The following ARHGAP8 variants were observed in gnomAD, a reference collection of about 807,000 sequenced individuals.
ARHGAP8 encodes the protein rho GTPase-activating protein 8.
In ARHGAP8, 62 loss-of-function variants were observed where a neutral mutation model predicts 46.1. The observed-to-expected ratio is 1.34, with a 90% CI of 1.10 to 1.66. ARHGAP8 has a LOEUF of 1.66. Among genes scored for constraint, ARHGAP8 ranks in the 40% most tolerant of loss-of-function variants. The pLI, the probability that ARHGAP8 is intolerant of heterozygous loss-of-function variation, is 0.00. For synonymous variants in ARHGAP8, 375 were observed against 243.1 expected (o/e 1.54, Z -5.05); for missense variants, 923 against 568.4 (o/e 1.62, Z -6.34).
intron 2 of ARHGAP8, among the ~76,000 whole-genome samples, chr22:44,792,447 G>A (rs540014413): frequency 1.1e-4 from 17 of 152,148 alleles, no homozygotes; most frequent in South Asian, 4.2e-4. Context: ...TCGTTCTCTC[G>A]TACCCTAAGT....
In ARHGAP8 at chr22:44,859,783, C is replaced by T. The variant is rs150730726; in HGVS notation, c.930C>T (p.Leu310=). The part of the protein sequence containing the change: ...VTGCRQILRS[L]PEHNYVVLRY... ...GCTGCCGCCAGATCTTACGGAGCCT[C>T]CCAGAGCACAACTACGTCGTCCTCC... Residue 310 remains leucine (L), a synonymous_variant, in exon 11 of 12, where the codon CTC becomes CTT. Coordinates refer to ENST00000356099, the MANE Select transcript of ARHGAP8 (RefSeq NM_181335.3). 60 of 1,614,134 alleles carry T rather than the reference C, an allele frequency of 3.7e-5. No homozygotes were observed. In the East Asian group the frequency reaches 1.2e-3, roughly 32 times the overall value.
At chr22:44,814,395 G>T (rs79260332) in intron 4 of ARHGAP8, among the ~76,000 whole-genome samples, 2 of 152,160 alleles carry the variant, frequency 1.3e-5, no homozygotes, top group African/African-American at 2.4e-5. Context: ...AGCCACCCCC[G>T]ACCCTGGTGT....
At chr22:44,836,534 A>G (rs978033253) in intron 7 of ARHGAP8, among the ~76,000 whole-genome samples, 2 of 151,412 alleles carry the variant, frequency 1.3e-5, no homozygotes, top group Non-Finnish European at 2.9e-5. Context: ...TTAGTATTGC[A>G]CGTGGTGCAC....
chr22:44,826,336 G>A (rs986952918), intron 7 of ARHGAP8, among the ~76,000 whole-genome samples: 13 of 152,150 alleles, frequency 8.5e-5, no homozygotes, highest in Admixed American at 3.9e-4. Flanking sequence ...TTACCGCAGC[G>A]TAACCTGTCC....
intron 5 of ARHGAP8, among the ~76,000 whole-genome samples, chr22:44,816,421 C>T (rs904685029): frequency 2.6e-5 from 4 of 152,164 alleles, no homozygotes; most frequent in Non-Finnish European, 5.9e-5. Flanking sequence ...CCAAGGGCTA[C>T]ACTGCCCCGT....
chr22:44,859,582 C>A, intron 10 of ARHGAP8, 149 bp from the exon 11 acceptor site: 1 of 757,322 alleles, frequency 1.3e-6, no homozygotes, highest in Non-Finnish European at 2.2e-6. Flanking sequence ...AGCCATACGG[C>A]CAGAAGATAA....
intron 6 of ARHGAP8, 134 bp downstream of exon 6, chr22:44,822,603 G>A: frequency 1.3e-6 from 1 of 773,042 alleles, no homozygotes; most frequent in South Asian, 2.7e-5. Flanking sequence ...GAAATCTGCG[G>A]CATCGACAAA....
At chr22:44,846,386 G>C (rs2069956540) in intron 8 of ARHGAP8, among the ~76,000 whole-genome samples, 1 of 152,198 alleles carries the variant, frequency 6.6e-6, no homozygotes, top group Admixed American at 6.5e-5. Context: ...TTGTAGGCCA[G>C]GGTGCCCAGG....
At chr22:44,861,467 G>A (rs886235662) in intron 11 of ARHGAP8, among the ~76,000 whole-genome samples, 2 of 118,084 alleles carry the variant, frequency 1.7e-5, no homozygotes, top group African/African-American at 6.3e-5. Flanking sequence ...GGGACCGGCA[G>A]CCAGGGGGAG....
At chr22:44,854,065 A>G (rs1486710583) in intron 10 of ARHGAP8, among the ~76,000 whole-genome samples, 1 of 133,382 alleles carries the variant, frequency 7.5e-6, no homozygotes, top group Non-Finnish European at 1.6e-5. Context: ...AAAAAAAACC[A>G]TCAGACTTTG....
At chr22:44,819,549 TG>T (rs1343096817) in intron 5 of ARHGAP8, among the ~76,000 whole-genome samples, 1 of 152,104 alleles carries the variant, frequency 6.6e-6, no homozygotes, top group African/African-American at 2.4e-5. Flanking sequence ...GGCAGGCGCC[TG>T]TAATCCCAGC....
intron 2 of ARHGAP8, 195 bp from the exon 3 acceptor site, chr22:44,801,882 T>C (rs1039959368): frequency 9.9e-6 from 6 of 607,498 alleles, no homozygotes; most frequent in Non-Finnish European, 1.7e-5. Flanking sequence ...CGGCTGGTCA[T>C]GAAGATGAAC....
intron 5 of ARHGAP8, among the ~76,000 whole-genome samples, chr22:44,817,585 C>T (rs1929841036): frequency 6.6e-6 from 1 of 152,146 alleles, no homozygotes; most frequent in African/African-American, 2.4e-5. Context: ...TAGCGGATCA[C>T]CTGAGGTAAG....
intron 2 of ARHGAP8, among the ~76,000 whole-genome samples, chr22:44,800,080 C>G (rs1928379731): frequency 2.2e-5 from 2 of 90,228 alleles, no homozygotes; most frequent in African/African-American, 5.4e-5. Flanking sequence ...AGGGCCCTCT[C>G]CTTCAGGAGT....
rs1187926130 is a variant in ARHGAP8, at chr22:44,752,634, C to G, written c.-72+7C>G. 4.7e-5 allele frequency: 4 copies of G among 85,686 alleles called. No individual in the cohort carries two copies. The highest frequency in any genetic ancestry group is 1.3e-4 in the African/African-American group (3 of 22,574). The allele number at this position is 85,686 out of a possible 1,614,324, so 5.3% of individuals were successfully genotyped here. ...CGGCGGGGTCCGTGGCCAGGTAAGG[C>G]GGGCGGCGGCGGGAGGGAGCGCGCA... is the stretch of plus-strand genomic sequence containing the variant. On this transcript the variant is annotated splice_region_variant and intron_variant, in intron 1 of 11. Transcript: ENST00000356099.
rs778419615 is a variant in ARHGAP8 at position 44,825,502 on chromosome 22, A to G, written c.505A>G (p.Ser169Gly). Residue 169 changes from serine (S) to glycine (G), a missense_variant, in exon 7 of 12, where the codon AGC becomes GGC. By Grantham distance (56) the Ser-to-Gly change is moderately conservative. Coordinates refer to ENST00000356099, the MANE Select transcript of ARHGAP8 (RefSeq NM_181335.3). Reference protein sequence around the residue: ...EVLRYDEKLQSLHEGRTPPPT... With the variant: ...EVLRYDEKLQGLHEGRTPPPT... ...CTACAGGTACGATGAGAAGCTCCAGAGCCTGCACGAGGGCCGGACGCCGCC... is the reference window on the plus strand; with the variant it reads ...CTACAGGTACGATGAGAAGCTCCAGGGCCTGCACGAGGGCCGGACGCCGCC... 1.9e-5 allele frequency: 30 copies of G among 1,613,246 alleles called. No individual in the cohort carries two copies. Among genetic ancestry groups the G allele is most frequent in the Non-Finnish European group, 5.1e-6 (6 of 1,179,828 alleles).
At chr22:44,833,348 T>G (rs1459817280) in intron 7 of ARHGAP8, among the ~76,000 whole-genome samples, 6 of 151,778 alleles carry the variant, frequency 4.0e-5, no homozygotes, top group Admixed American at 2.6e-4. Flanking sequence ...TGTTGAGTGG[T>G]TGGTTGGTTG....
intron 8 of ARHGAP8, among the ~76,000 whole-genome samples, chr22:44,846,366 C>T (rs1401216095): frequency 6.6e-6 from 1 of 152,220 alleles, no homozygotes; most frequent in Non-Finnish European, 1.5e-5. Context: ...CCTGGAGAGC[C>T]CCTCCTCACT....
Position 44,823,897 on chromosome 22 carries a change from G to A in ARHGAP8, c.485+1428G>A, listed in dbSNP as rs1316147761. On this transcript the variant is annotated intron_variant, in intron 6 of 11. Transcript: ENST00000356099. The stretch of plus-strand genomic sequence containing the variant: ...GGGTCCTGTGAGTCAGAGGGGATGA[G>A]GTTTGGGAGAGGGGCTTGGGCTTGG... 2.6e-5 allele frequency among the ~76,000 whole-genome samples: 4 copies of A among 152,126 alleles called. No homozygotes were observed. In the South Asian group the frequency reaches 6.2e-4, roughly 24 times the overall value.
Sources: allele counts gnomAD v4.1 joint callset (sites outside exome capture counted in the v4.1 genomes callset), GRCh38; gene constraint gnomAD v4.1.1; transcripts MANE v1.5; gene names NCBI Gene and HGNC (gene_info 2026-07-23, HGNC 2026-07-21).